The following ASB17 variants were observed in gnomAD, a reference collection of about 807,000 sequenced individuals.
ASB17 encodes ankyrin repeat and SOCS box containing 17, also known as ankyrin repeat and SOCS box protein 17.
ASB17 carries 26 observed loss-of-function variants against 25.7 expected under a neutral mutation model. The ratio of observed to expected loss-of-function variants is 1.01; its 90% CI spans 0.74 to 1.40. The LOEUF (loss-of-function observed/expected upper bound fraction) is 1.40. Among genes scored for constraint, ASB17 ranks in the 40% most tolerant of loss-of-function variants. The probability of loss-of-function intolerance (pLI) is 0.00; values close to 1 mark genes in which losing one functional copy is unlikely to be tolerated. For synonymous variants in ASB17, 128 were observed against 121.4 expected, an observed-to-expected ratio of 1.05 and a Z score of -0.36; for missense variants, 326 against 338.5, an observed-to-expected ratio of 0.96 and a Z score of 0.29.
In ASB17 at chr1:75,932,166, A is replaced by T; in HGVS notation, c.126T>A (p.Cys42Ter). ...GTGATCTGTAAATCCTTGGTTCGTAACAGTGATATCCCCACTGACCCAAAA... is the reference window on the plus strand; with the variant it reads ...GTGATCTGTAAATCCTTGGTTCGTATCAGTGATATCCCCACTGACCCAAAA... ...LQFLGQWGYH[C>*]YEPRIYRSLA... The change falls in exon 1 of 3, where the codon TGT (cysteine) becomes TGA (stop). Residue 42 changes from cysteine to a stop codon, truncating the protein, a stop_gained. Transcript: ENST00000284142. LOFTEE classifies it high-confidence loss of function. The T allele has an allele frequency of 6.2e-7, 1 of 1,614,146 alleles. No individual in the cohort carries two copies. The highest frequency in any genetic ancestry group is 8.5e-7 in the Non-Finnish European group (1 of 1,180,016).
chr1:75,932,280 A>G lies in ASB17; in HGVS notation c.12T>C (p.Ser4=), dbSNP rs1198232554. The G allele has an allele frequency of 6.2e-7, 1 of 1,607,366 alleles. No individual in the cohort carries two copies. The highest frequency in any genetic ancestry group is 8.5e-7 in the Non-Finnish European group (1 of 1,176,532). The change falls in exon 1 of 3, where the codon TCT becomes TCC. Residue 4 remains serine (S), a synonymous_variant. Coordinates refer to ENST00000284142, the MANE Select transcript of ASB17 (RefSeq NM_080868.3). The stretch of plus-strand genomic sequence containing the variant: ...AAGAAGTCTTACCACATAATTTAGT[A>G]GATTTACTCATTGTTACTTATAGCA... MSK[S]TKLCGKTSCP... is the part of the protein sequence containing the mutation.
intron 2 of ASB17, among the ~76,000 whole-genome samples, chr1:75,921,204 CA>C (rs57590243): frequency 0.67 from 100,929 of 151,004 alleles, 34,422 homozygotes; most frequent in East Asian, 0.97. Flanking sequence ...TCTGAAAATG[CA>C]AAAAAAAAAT....
At chr1:75,922,488 C>CTTTTGTTTTTTTT (rs1653057882) in intron 1 of ASB17, 129 bp from the exon 2 acceptor site, 1 of 118,088 alleles carries the variant, frequency 8.5e-6, no homozygotes, top group East Asian at 3.9e-4. Flanking sequence ...TTATATGTTT[C>CTTTTGTTTTTTTT]TTTTTTTTTT....
rs759472261 is a variant in ASB17, at chr1:75,932,261, T to C, written c.31A>G (p.Thr11Ala). The change falls in exon 1 of 3, where the codon ACT becomes GCT. Residue 11 changes from threonine (T) to alanine (A), a missense_variant. Thr to Ala is a moderately conservative substitution (Grantham distance 58). Coordinates refer to ENST00000284142, the MANE Select transcript of ASB17 (RefSeq NM_080868.3). ...AATATATTGCTTCTTGGACAAGAAG[T>C]CTTACCACATAATTTAGTAGATTTA... MSKSTKLCGK[T>A]SCPRSNIFCN... 2.2e-5 allele frequency: 35 copies of C among 1,611,534 alleles called. No homozygotes were observed. The highest frequency in any genetic ancestry group is 3.4e-6 in the Non-Finnish European group (4 of 1,178,824).
At position 75,918,971 on chromosome 1, in the gene ASB17, T is replaced by C; in HGVS notation, c.869A>G (p.Tyr290Cys). 1 of 1,611,598 alleles carries C rather than the reference T, an allele frequency of 6.2e-7. No individual in the cohort carries two copies. Among genetic ancestry groups the C allele is most frequent in the Non-Finnish European group, 8.5e-7 (1 of 1,177,936 alleles). The stretch of plus-strand genomic sequence containing the variant: ...CGTATGTTAGATTTCTAAATTCAGA[T>C]AGTTTTGTAGACGAGCAGGAATTAG... Reference protein sequence around the residue: ...SLLIPARLQNYLNLEI With the variant: ...SLLIPARLQNCLNLEI The change falls in exon 3 of 3, where the codon TAT becomes TGT. Residue 290 changes from tyrosine (Y) to cysteine (C), a missense_variant. Tyr to Cys is a radical substitution (Grantham distance 194). Transcript: ENST00000284142.
chr1:75,919,068 G>A lies in ASB17; in HGVS notation c.772C>T (p.His258Tyr), dbSNP rs751185872. The change falls in exon 3 of 3, where the codon CAT becomes TAT. Residue 258 changes from histidine to tyrosine, a missense_variant. Transcript: ENST00000284142. ...TRYKDPCELL[H>Y]LCRLTIRNQL... ...TTCCTGATGGTTAGTCTGCAAAGAT[G>A]TAATAGTTCACATGGATCTTTGTAT... 4.3e-6 allele frequency: 7 copies of A among 1,611,524 alleles called. No homozygotes were observed. Among genetic ancestry groups the A allele is most frequent in the East Asian group, 4.5e-5 (2 of 44,710 alleles).
intron 1 of ASB17, among the ~76,000 whole-genome samples, chr1:75,923,782 T>G (rs1444164550): frequency 2.6e-5 from 4 of 152,198 alleles, no homozygotes; most frequent in African/African-American, 9.7e-5. Context: ...TTTAGCTCTT[T>G]GAATTGGCTG....
At position 75,929,778 on chromosome 1, in the gene ASB17, G is replaced by A. The variant is rs1653274185; in HGVS notation, c.401+2113C>T. ...GAGTTCACCTAGATTTGAAACGAAA[G>A]AGATGAAAGGAGATGAAAAGAAAAA... On this transcript the variant is annotated intron_variant, in intron 1 of 2. Coordinates refer to ENST00000284142, the MANE Select transcript of ASB17 (RefSeq NM_080868.3). Among the ~76,000 whole-genome samples, 4 of 152,090 alleles carry A rather than the reference G, an allele frequency of 2.6e-5. No individual in the cohort carries two copies. In the South Asian group the frequency reaches 8.3e-4, roughly 32 times the overall value.
At chr1:75,923,130 A>C (rs1030711160) in intron 1 of ASB17, among the ~76,000 whole-genome samples, 3 of 152,156 alleles carry the variant, frequency 2.0e-5, no homozygotes, top group Middle Eastern at 3.2e-3. Flanking sequence ...ACCAGACATG[A>C]ACTTGAATTG....
chr1:75,931,619 G>A (rs1185867380), intron 1 of ASB17, among the ~76,000 whole-genome samples: 1 of 152,090 alleles, frequency 6.6e-6, no homozygotes, highest in Non-Finnish European at 1.5e-5. Context: ...TAGTGTCTTT[G>A]TTTAGTTAGA....
chr1:75,919,625 C>G (rs938348105), intron 2 of ASB17, among the ~76,000 whole-genome samples: 4 of 151,976 alleles, frequency 2.6e-5, no homozygotes, highest in African/African-American at 9.7e-5. Flanking sequence ...CTATGAGTGA[C>G]AATATGCGGT....
Position 75,922,108 on chromosome 1 carries a change from A to AGCACTCTG in ASB17, c.645_652dup (p.Leu218ProfsTer12). ...TATTTCCTTGACTGAAATGACAGAA[A>AGCACTCTG]GCACTCTGGAACATAGTACCAAACA... On this transcript the variant is annotated frameshift_variant, in exon 2 of 3. Coordinates refer to ENST00000284142, the MANE Select transcript of ASB17 (RefSeq NM_080868.3). LOFTEE classifies it high-confidence loss of function. 4 of 1,610,840 alleles carry AGCACTCTG rather than the reference A, an allele frequency of 2.5e-6. No homozygotes were observed. In the South Asian group the frequency reaches 3.3e-5, roughly 13 times the overall value.
chr1:75,931,286 A>G (rs534526028), intron 1 of ASB17, among the ~76,000 whole-genome samples: 3 of 152,328 alleles, frequency 2.0e-5, no homozygotes, highest in Admixed American at 6.5e-5. Flanking sequence ...TATGGACTCT[A>G]AAAAGAGGAT....
intron 1 of ASB17, 142 bp downstream of exon 1, chr1:75,931,749 T>A: frequency 1.6e-6 from 1 of 614,092 alleles, no homozygotes; most frequent in Non-Finnish European, 2.6e-6. Context: ...AGTGAAGGAG[T>A]GAACACGTGG....
At chr1:75,928,042 G>A (rs1283938902) in intron 1 of ASB17, among the ~76,000 whole-genome samples, 2 of 152,078 alleles carry the variant, frequency 1.3e-5, no homozygotes, top group African/African-American at 2.4e-5. Flanking sequence ...TAGATTACAT[G>A]TCTTCAAGGG....
chr1:75,931,847 G>C, intron 1 of ASB17, 44 bp downstream of exon 1: 1 of 1,502,948 alleles, frequency 6.7e-7, no homozygotes, highest in Non-Finnish European at 8.9e-7. Flanking sequence ...CTCTCGTAAA[G>C]ATAAATTTTC....
In ASB17 at chr1:75,922,136, T is replaced by A. The variant is rs757379813; in HGVS notation, c.625A>T (p.Thr209Ser). ...ACTCTGGAACATAGTACCAAACATG[T>A]TTTGGCATCTTCATGGATGTCAGCC... ...ELADIHEDAK[T>S]CLVLCSRVLS... The change falls in exon 2 of 3, where the codon ACA (threonine) becomes TCA (serine). Residue 209 changes from threonine to serine, a missense_variant. By Grantham distance (58) the Thr-to-Ser change is moderately conservative. Transcript: ENST00000284142. 2 of 1,613,946 alleles carry A rather than the reference T, an allele frequency of 1.2e-6. No homozygotes were observed. Among genetic ancestry groups the A allele is most frequent in the East Asian group, 4.5e-5 (2 of 44,826 alleles).
At chr1:75,922,430 A>G (rs1339428559) in intron 1 of ASB17, 71 bp from the exon 2 acceptor site, 1 of 1,089,970 alleles carries the variant, frequency 9.2e-7, no homozygotes, top group East Asian at 2.8e-5. Context: ...TTATCTTGCT[A>G]GTAATGGGAA....
intron 1 of ASB17, among the ~76,000 whole-genome samples, chr1:75,929,551 T>C (rs1653268308): frequency 1.3e-5 from 2 of 152,208 alleles, no homozygotes; most frequent in African/African-American, 4.8e-5. Flanking sequence ...GGGTATTGTT[T>C]GAATGTTATA....
Sources: gnomAD v4.1 joint callset for allele counts (sites outside exome capture counted in the v4.1 genomes callset) on GRCh38, gnomAD v4.1.1 for gene constraint, MANE v1.5 for transcripts, NCBI Gene and HGNC (gene_info 2026-07-23, HGNC 2026-07-21) for gene names.